The following CTNNA2 variants were observed in gnomAD, a reference collection of about 807,000 sequenced individuals.
CTNNA2 encodes catenin alpha-2.
In CTNNA2, 42 loss-of-function variants were observed where a neutral mutation model predicts 101.0. The ratio of observed to expected loss-of-function variants is 0.42; its 90% confidence interval spans 0.32 to 0.54. CTNNA2 has a LOEUF of 0.54. CTNNA2 is among the 20% of genes least tolerant of loss of function. The pLI, the probability that CTNNA2 is intolerant of heterozygous loss-of-function variation, is 0.14. For synonymous variants in CTNNA2, 450 were observed against 456.4 expected (o/e 0.99, Z 0.18); for missense variants, 871 against 1,223.1 (o/e 0.71, Z 4.29).
At chr2:79,273,237 T>C (rs1234916739) in intron 2 of CTNNA2, among the ~76,000 whole-genome samples, 1 of 152,084 alleles carries the variant, frequency 6.6e-6, no homozygotes, top group East Asian at 1.9e-4. Flanking sequence ...TAGGGCAACC[T>C]ATCAGATAGG....
intron 9 of CTNNA2, among the ~76,000 whole-genome samples, chr2:80,521,690 C>T (rs537651186): frequency 1.6e-4 from 24 of 152,192 alleles, no homozygotes; most frequent in Admixed American, 1.4e-3. Context: ...TGGGAGAAGA[C>T]AAGGGAACGA....
At chr2:79,357,269 T>G (rs1677528777) in intron 3 of CTNNA2, among the ~76,000 whole-genome samples, 1 of 152,138 alleles carries the variant, frequency 6.6e-6, no homozygotes, top group Admixed American at 6.5e-5. Context: ...AATGTTGTAA[T>G]GAGCTATATT....
At chr2:80,346,860 A>C (rs889946356) in intron 7 of CTNNA2, among the ~76,000 whole-genome samples, 2 of 152,192 alleles carry the variant, frequency 1.3e-5, no homozygotes, top group African/African-American at 4.8e-5. Context: ...AGGTACCCCC[A>C]TGTGTTGAAT....
intron 17 of CTNNA2, among the ~76,000 whole-genome samples, chr2:80,617,561 C>G (rs527755383): frequency 2.9e-4 from 44 of 151,776 alleles, no homozygotes; most frequent in African/African-American, 1.1e-3. Context: ...TTTTTATATG[C>G]AAGACTTTTT....
chr2:79,380,789 A>G (rs1272519999), intron 4 of CTNNA2, among the ~76,000 whole-genome samples: 1 of 152,160 alleles, frequency 6.6e-6, no homozygotes, highest in East Asian at 1.9e-4. Flanking sequence ...TCCTAGTTTT[A>G]GTTTTCCTGA....
In CTNNA2 at chr2:80,648,014, G is replaced by A. The variant is rs1439733007; in HGVS notation, c.*142G>A. 1 of 725,182 alleles carries A rather than the reference G, an allele frequency of 1.4e-6. No homozygotes were observed. Among genetic ancestry groups the A allele is most frequent in the Non-Finnish European group, 2.2e-6 (1 of 454,956 alleles). The allele number at this position is 725,182 out of a possible 1,614,324, so 44.9% of individuals were successfully genotyped here. A position where few individuals can be genotyped will look rare whatever the true frequency, so the allele number is the denominator to read the frequency against. On this transcript the variant is annotated 3_prime_UTR_variant, in exon 19 of 19. Transcript: ENST00000402739. ...GGGAACAGTGTCTGTTTGCATGTAA[G>A]ATGAGATGAGATCAATACTACTGAT... is the stretch of plus-strand genomic sequence containing the variant.
At chr2:79,294,408 A>T (rs1444263903) in intron 2 of CTNNA2, among the ~76,000 whole-genome samples, 2 of 152,118 alleles carry the variant, frequency 1.3e-5, no homozygotes, top group African/African-American at 4.8e-5. Context: ...CTTAAGTCCT[A>T]TCTGCAAATA....
At chr2:79,986,576 T>A (rs957820006) in intron 7 of CTNNA2, among the ~76,000 whole-genome samples, 1 of 152,062 alleles carries the variant, frequency 6.6e-6, no homozygotes, top group Admixed American at 6.6e-5. Context: ...CTGCAGGAAG[T>A]TTTATGCAGG....
chr2:79,463,411 A>G (rs1013737142), intron 4 of CTNNA2, among the ~76,000 whole-genome samples: 52 of 152,050 alleles, frequency 3.4e-4, no homozygotes, highest in African/African-American at 7.7e-4. Flanking sequence ...AAAAAAAAAA[A>G]AAAGAAAGTC....
intron 3 of CTNNA2, among the ~76,000 whole-genome samples, chr2:79,821,318 C>G (rs1237049784): frequency 6.6e-6 from 1 of 152,132 alleles, no homozygotes; most frequent in Non-Finnish European, 1.5e-5. Context: ...AAGTGATCCT[C>G]TTGTCTCAGC....
chr2:79,285,285 T>C (rs1224872361), intron 2 of CTNNA2, among the ~76,000 whole-genome samples: 11 of 149,202 alleles, frequency 7.4e-5, no homozygotes, highest in South Asian at 2.2e-4. Flanking sequence ...TTATTTCTTG[T>C]CTTCTGCTAG....
chr2:79,250,265 T>A (rs959867391), intron 2 of CTNNA2, among the ~76,000 whole-genome samples: 2 of 129,964 alleles, frequency 1.5e-5, no homozygotes, highest in African/African-American at 5.8e-5. Context: ...AAGACTTAGG[T>A]CTACAGAAAC....
intron 7 of CTNNA2, among the ~76,000 whole-genome samples, chr2:80,194,033 T>G (rs1289272620): frequency 6.6e-6 from 1 of 152,200 alleles, no homozygotes. Flanking sequence ...ACATTGTAGA[T>G]GAGATAAATG....
intron 7 of CTNNA2, among the ~76,000 whole-genome samples, chr2:80,194,219 G>A (rs1317653331): frequency 6.6e-6 from 1 of 152,118 alleles, no homozygotes; most frequent in East Asian, 1.9e-4. Flanking sequence ...GAAAGTATAA[G>A]TCAACATACT....
At chr2:79,966,389 C>A (rs1690062848) in intron 7 of CTNNA2, among the ~76,000 whole-genome samples, 1 of 152,122 alleles carries the variant, frequency 6.6e-6, no homozygotes, top group Admixed American at 6.5e-5. Flanking sequence ...GCCCCCTCCA[C>A]CACACCAAGC....
intron 4 of CTNNA2, among the ~76,000 whole-genome samples, chr2:79,393,086 C>T (rs916268359): frequency 1.3e-5 from 2 of 152,138 alleles, no homozygotes; most frequent in African/African-American, 4.8e-5. Flanking sequence ...GGGGAAGCCT[C>T]ATCTTAAGCC....
chr2:80,530,479 G>T (rs1422572575), intron 9 of CTNNA2, among the ~76,000 whole-genome samples: 1 of 152,196 alleles, frequency 6.6e-6, no homozygotes, highest in Non-Finnish European at 1.5e-5. Flanking sequence ...CAGACAGGAA[G>T]AAACTAATAG....
chr2:79,944,599 G>C (rs1416679832), intron 7 of CTNNA2, among the ~76,000 whole-genome samples: 1 of 151,906 alleles, frequency 6.6e-6, no homozygotes, highest in Admixed American at 6.6e-5. Context: ...AGCGGGGTGG[G>C]GGTAGGGACC....
chr2:79,653,584 T>A (rs1681408521), intron 2 of CTNNA2, among the ~76,000 whole-genome samples: 1 of 152,176 alleles, frequency 6.6e-6, no homozygotes, highest in South Asian at 2.1e-4. Context: ...TATATGGCAC[T>A]AGGAAAATGT....
Sources: allele counts gnomAD v4.1 joint callset (sites outside exome capture counted in the v4.1 genomes callset), GRCh38; gene constraint gnomAD v4.1.1; transcripts MANE v1.5; gene names NCBI Gene and HGNC (gene_info 2026-07-23, HGNC 2026-07-21).